Variants in POTEH observed in about 807,000 individuals in gnomAD.
POTEH encodes the protein ANKRD26-like family C member 3.
A neutral mutation model predicts 41.7 loss-of-function variants in POTEH; 6 were observed. That is an observed-to-expected ratio of 0.14 (90% CI 0.08 to 0.28). The LOEUF is 0.28. Ranked by LOEUF, POTEH falls within the 10% of genes least tolerant of loss-of-function variation. The pLI is 1.00. For missense variants in POTEH, 115 were observed against 533.5 expected (o/e 0.22, Z 7.73); for synonymous variants, 38 against 179.9 (o/e 0.21, Z 6.31).
At chr22:15,699,390 A>G (rs1989514501) in intron 4 of POTEH, 1 of 179,596 alleles carries the variant, frequency 5.6e-6, no homozygotes, top group South Asian at 1.2e-4. Flanking sequence ...TCCTTTAATG[A>G]AGACAAGCCG....
chr22:15,692,064 G>A (rs1989333163), intron 1 of POTEH, among the ~76,000 whole-genome samples: 1 of 137,994 alleles, frequency 7.2e-6, no homozygotes, highest in Non-Finnish European at 1.6e-5. Context: ...GGAGTGCAGT[G>A]GTGCGATCTC....
At chr22:15,690,819 C>G in intron 1 of POTEH, 110 bp downstream of exon 1, 1 of 1,330,824 alleles carries the variant, frequency 7.5e-7, no homozygotes, top group Non-Finnish European at 1.0e-6. Flanking sequence ...AGGCCTCACA[C>G]CACCCTGGAT....
intron 1 of POTEH, among the ~76,000 whole-genome samples, chr22:15,692,038 C>G (rs1307409722): frequency 7.2e-6 from 1 of 137,992 alleles, no homozygotes; most frequent in Non-Finnish European, 1.6e-5. Flanking sequence ...TGGAGTCTCA[C>G]TCTGTTGCCC....
In POTEH at chr22:15,690,075, C is replaced by T. The variant is rs1208505592; in HGVS notation, c.-3C>T. 5 of 1,399,084 alleles carry T rather than the reference C, an allele frequency of 3.6e-6. No individual in the cohort carries two copies. Among genetic ancestry groups the T allele is most frequent in the Non-Finnish European group, 5.0e-6 (5 of 1,008,760 alleles). The allele number at this position is 1,399,084 out of a possible 1,614,324, so 86.7% of individuals were successfully genotyped here. On this transcript the variant is annotated 5_prime_UTR_variant, in exon 1 of 11. Transcript: ENST00000343518. ...ACCGGCCTTCCCTGGCTGTTAAAAG[C>T]AGATGGTGGCTGAGGCTGGTTCAAT...
intron 1 of POTEH, among the ~76,000 whole-genome samples, chr22:15,691,801 T>C (rs1376806998): frequency 6.7e-6 from 1 of 149,060 alleles, no homozygotes; most frequent in Non-Finnish European, 1.5e-5. Flanking sequence ...TGTAGGAATT[T>C]AGCGCTTGAT....
At chr22:15,691,721 T>G (rs1370065649) in intron 1 of POTEH, among the ~76,000 whole-genome samples, 1 of 146,024 alleles carries the variant, frequency 6.8e-6, no homozygotes, top group African/African-American at 2.5e-5. Flanking sequence ...TTTCCACAAA[T>G]TGTTTACTAA....
chr22:15,691,297 G>A (rs1219979053), intron 1 of POTEH, among the ~76,000 whole-genome samples: 1 of 139,554 alleles, frequency 7.2e-6, no homozygotes, highest in Non-Finnish European at 1.6e-5. Flanking sequence ...GCTGAGGAGG[G>A]CAGATCATGG....
intron 9 of POTEH, among the ~76,000 whole-genome samples, chr22:15,711,243 C>G (rs1241624930): frequency 2.6e-5 from 4 of 152,066 alleles, no homozygotes; most frequent in African/African-American, 7.3e-5. Flanking sequence ...AAGGCATTTT[C>G]TTTTCTTTTC....
chr22:15,690,884 A>G (rs1989289642), intron 1 of POTEH, among the ~76,000 whole-genome samples, 175 bp downstream of exon 1: 1 of 129,986 alleles, frequency 7.7e-6, no homozygotes, highest in Admixed American at 7.9e-5. Flanking sequence ...GCAACACAAA[A>G]ACAAAACTTT....
At chr22:15,713,136 CTG>C (rs1228386918) in intron 9 of POTEH, among the ~76,000 whole-genome samples, 1 of 152,196 alleles carries the variant, frequency 6.6e-6, no homozygotes, top group Non-Finnish European at 1.5e-5. Context: ...CTTTAAGTAA[CTG>C]TCTACACTCA....
rs1276650400 is a variant in POTEH, at chr22:15,691,346, A to T, written c.632+637A>T. On this transcript the variant is annotated intron_variant, in intron 1 of 10. Coordinates refer to ENST00000343518, the MANE Select transcript of POTEH (RefSeq NM_001136213.1). Reference sequence around the variant, plus strand: ...AGACCATCCTTGCTAACACGGTGAAACCCCGTCTCTACTAAAAAATATAAA... The same window carrying T: ...AGACCATCCTTGCTAACACGGTGAATCCCCGTCTCTACTAAAAAATATAAA... Among the ~76,000 whole-genome samples, 2 of 128,294 alleles carry T rather than the reference A, an allele frequency of 1.6e-5. 1 individual carries two copies. The highest frequency in any genetic ancestry group is 3.6e-5 in the Non-Finnish European group (2 of 56,286). The allele number at this position is 128,294 out of a possible 152,430, so 84.2% of individuals were successfully genotyped here.
intron 9 of POTEH, among the ~76,000 whole-genome samples, chr22:15,713,528 C>T (rs1304230734): frequency 6.6e-5 from 10 of 152,050 alleles, no homozygotes; most frequent in African/African-American, 2.2e-4. Flanking sequence ...AAGATGAAGT[C>T]TGGCTTTGTC....
rs1432972513 is a variant in POTEH at position 15,692,026 on chromosome 22, G to A, written c.632+1317G>A. The stretch of plus-strand genomic sequence containing the variant: ...TATATATAAATTTCTTTTTTTTTTT[G>A]ATGGAGTCTCACTCTGTTGCCCAGG... On this transcript the variant is annotated intron_variant, in intron 1 of 10. Coordinates refer to ENST00000343518, the MANE Select transcript of POTEH (RefSeq NM_001136213.1). Among the ~76,000 whole-genome samples the A allele has an allele frequency of 9.1e-5, 11 of 120,656 alleles. 1 individual carries two copies. Among genetic ancestry groups the A allele is most frequent in the African/African-American group, 3.4e-4 (11 of 32,292 alleles). 79.2% of individuals were successfully genotyped at this position (120,656 alleles called of 152,430 possible).
Position 15,716,479 on chromosome 22 carries a change from A to G in POTEH, c.1521-3181A>G, listed in dbSNP as rs1233269977. ...ATATTGTCTTTTTAAATTCCTTTTT[A>G]TGTTCACTTTTTTCTCTGTACAATA... On this transcript the variant is annotated intron_variant, in intron 9 of 10. Transcript: ENST00000343518. Among the ~76,000 whole-genome samples the G allele has an allele frequency of 7.2e-4, 39 of 54,194 alleles. 15 individuals are homozygous for G. The highest frequency in any genetic ancestry group is 2.4e-3 in the African/African-American group (39 of 16,500). 35.6% of individuals were successfully genotyped at this position (54,194 alleles called of 152,430 possible). A position where few individuals can be genotyped will look rare whatever the true frequency, so the allele number is the denominator to read the frequency against.
chr22:15,709,065 G>A (rs1341597798), intron 7 of POTEH, among the ~76,000 whole-genome samples: 3 of 149,616 alleles, frequency 2.0e-5, no homozygotes, highest in South Asian at 2.1e-4. Context: ...TGCAGAATGG[G>A]ACCTTTGGTG....
At chr22:15,700,602 T>TA (rs1989553804) in intron 5 of POTEH, 1 of 79,442 alleles carries the variant, frequency 1.3e-5, no homozygotes, top group African/African-American at 5.3e-5. Flanking sequence ...ATGTCCTAGA[T>TA]ACTCCTTGAA....
intron 1 of POTEH, among the ~76,000 whole-genome samples, chr22:15,690,982 G>A (rs534867756): frequency 9.0e-5 from 12 of 133,162 alleles, no homozygotes; most frequent in African/African-American, 3.2e-4. Context: ...TGTCGATGCA[G>A]CAGATTATTT....
At chr22:15,710,230 A>G (rs10154623) in intron 8 of POTEH, among the ~76,000 whole-genome samples, 4,375 of 132,210 alleles carry the variant, frequency 0.033, no homozygotes, top group African/African-American at 0.088. Context: ...ATTTTCTGGA[A>G]TTCCATGATT....
chr22:15,690,780 G>A lies in POTEH; in HGVS notation c.632+71G>A, dbSNP rs1989286978. The A allele has an allele frequency of 2.9e-6, 4 of 1,388,718 alleles. 1 individual carries two copies. The highest frequency in any genetic ancestry group is 2.4e-5 in the South Asian group (2 of 83,744). 86.0% of individuals were successfully genotyped at this position (1,388,718 alleles called of 1,614,324 possible). A position where few individuals can be genotyped will look rare whatever the true frequency, so the allele number is the denominator to read the frequency against. On this transcript the variant is annotated intron_variant, in intron 1 of 10. Transcript: ENST00000343518. ...GGGGACATACCCTCCTGGCCGGGGA[G>A]GAGGGGAGCCTGGTTTTCTTGCCTC...
Sources: allele counts gnomAD v4.1 joint callset (sites outside exome capture counted in the v4.1 genomes callset), GRCh38; gene constraint gnomAD v4.1.1; transcripts MANE v1.5; gene names NCBI Gene and HGNC (gene_info 2026-07-23, HGNC 2026-07-21).